ARSG: variants seen among roughly 807,000 people sequenced by gnomAD.
The protein encoded by ARSG is ASG.
In ARSG, 37 loss-of-function variants were observed where a neutral mutation model predicts 50.5. The ratio of observed to expected loss-of-function variants is 0.73; its 90% confidence interval spans 0.56 to 0.96. The LOEUF (loss-of-function observed/expected upper bound fraction) is 0.96, where lower values mean the gene tolerates loss of function less well. Ranked by LOEUF, ARSG falls within the 50% of genes least tolerant of loss-of-function variation. The probability of loss-of-function intolerance (pLI) is 0.00; values close to 1 mark genes in which losing one functional copy is unlikely to be tolerated. For synonymous variants in ARSG, 225 were observed against 254.6 expected, an observed-to-expected ratio of 0.88 and a Z score of 1.11; for missense variants, 629 against 675.3, an observed-to-expected ratio of 0.93 and a Z score of 0.76.
chr17:68,284,863 G>T (rs1189204616), intron 1 of ARSG, among the ~76,000 whole-genome samples: 3 of 152,188 alleles, frequency 2.0e-5, no homozygotes, highest in African/African-American at 7.2e-5. Context: ...ATTTTGATGT[G>T]TGTTGATATG....
At position 68,316,972 on chromosome 17, in the gene ARSG, C is replaced by A. The variant is rs147246418; in HGVS notation, c.218+9261C>A. 4.2e-3 allele frequency among the ~76,000 whole-genome samples: 634 copies of A among 152,200 alleles called. 8 individuals are homozygous for A. The highest frequency in any genetic ancestry group is 0.015 in the African/African-American group (616 of 41,512). On this transcript the variant is annotated intron_variant, in intron 2 of 11. Transcript: ENST00000621439. The stretch of plus-strand genomic sequence containing the variant: ...TTTCTTCTCATTCCTAGACCAAATC[C>A]CCAAGTCAACACCTAAAGGTCTCAG...
intron 1 of ARSG, among the ~76,000 whole-genome samples, chr17:68,273,457 G>A (rs2075409134): frequency 6.6e-6 from 1 of 152,126 alleles, no homozygotes; most frequent in African/African-American, 2.4e-5. Context: ...CTGGGCTCAC[G>A]TGATCCTCCT....
At chr17:68,281,837 T>C (rs1814938173) in intron 1 of ARSG, among the ~76,000 whole-genome samples, 1 of 152,014 alleles carries the variant, frequency 6.6e-6, no homozygotes, top group Non-Finnish European at 1.5e-5. Flanking sequence ...GTACGGCCAA[T>C]AAGGAGAACA....
Position 68,381,169 on chromosome 17 carries a change from A to AAAGACCACTGTTCCTCCGCGTGGG in ARSG, c.983-3894_983-3871dup, listed in dbSNP as rs1187922448. Among the ~76,000 whole-genome samples, 1 of 152,146 alleles carries AAAGACCACTGTTCCTCCGCGTGGG rather than the reference A, an allele frequency of 6.6e-6. No homozygotes were observed. Among genetic ancestry groups the AAAGACCACTGTTCCTCCGCGTGGG allele is most frequent in the Non-Finnish European group, 1.5e-5 (1 of 68,014 alleles). On this transcript the variant is annotated intron_variant, in intron 8 of 11. Transcript: ENST00000621439. The surrounding 1 kb of genome is among the most constrained non-coding windows in gnomAD (Gnocchi z 4.1). ...ACATGGCCCTTGGGTCCCAGCCAAG[A>AAAGACCACTGTTCCTCCGCGTGGG]AAGACCACTGTTCCTCCGCGTGGGC...
chr17:68,394,150 G>C (rs1783450068), intron 9 of ARSG, among the ~76,000 whole-genome samples: 1 of 152,072 alleles, frequency 6.6e-6, no homozygotes, highest in Non-Finnish European at 1.5e-5. Flanking sequence ...AAGCCACCAA[G>C]AATGAATTTC....
At chr17:68,301,412 G>A (rs1555761827) in intron 1 of ARSG, among the ~76,000 whole-genome samples, 1 of 152,172 alleles carries the variant, frequency 6.6e-6, no homozygotes, top group East Asian at 1.9e-4. Flanking sequence ...ACTAGGGTGA[G>A]GCAACATGTA....
the ARSG span, among the ~76,000 whole-genome samples, chr17:68,434,779 C>T: frequency 6.6e-6 from 1 of 152,136 alleles, no homozygotes; most frequent in African/African-American, 2.4e-5. Flanking sequence ...ATTTATGTGC[C>T]ATATCAACAA....
At chr17:68,438,972 A>G in the ARSG span, among the ~76,000 whole-genome samples, 236 of 152,356 alleles carry the variant, frequency 1.5e-3, no homozygotes, top group Middle Eastern at 6.8e-3. Flanking sequence ...TAGGATGACT[A>G]TAGTGAAAAA....
At chr17:68,395,028 C>G in intron 9 of ARSG, 45 bp from the exon 10 acceptor site, 1 of 1,607,748 alleles carries the variant, frequency 6.2e-7, no homozygotes, top group Non-Finnish European at 8.5e-7. Context: ...GGTCAGGGAG[C>G]GAGTCAGAAG....
At chr17:68,341,355 A>G (rs2078261346) in intron 2 of ARSG, among the ~76,000 whole-genome samples, 1 of 152,234 alleles carries the variant, frequency 6.6e-6, no homozygotes, top group Admixed American at 6.5e-5. Flanking sequence ...GTCAAACTGT[A>G]TAACAACATA....
intron 6 of ARSG, among the ~76,000 whole-genome samples, chr17:68,368,188 G>A (rs1305928840): frequency 6.6e-6 from 1 of 152,176 alleles, no homozygotes; most frequent in Non-Finnish European, 1.5e-5. Context: ...GCAGTTAAGA[G>A]CAAGATTCGG....
chr17:68,405,213 C>G (rs534010857), intron 11 of ARSG, among the ~76,000 whole-genome samples: 2 of 109,128 alleles, frequency 1.8e-5, no homozygotes, highest in African/African-American at 7.3e-5. Flanking sequence ...ATGGCTTTTT[C>G]TATTTCTGCA....
chr17:68,430,964 GTCTTTGGACAAACC>G, the ARSG span, among the ~76,000 whole-genome samples: 1 of 152,152 alleles, frequency 6.6e-6, no homozygotes, highest in East Asian at 1.9e-4. Context: ...GGGCTAGGGG[GTCTTTGGACAAACC>G]TCTCTGGGCC....
At chr17:68,360,440 T>A (rs6501399) in intron 6 of ARSG, among the ~76,000 whole-genome samples, 9,548 of 152,284 alleles carry the variant, frequency 0.063, 797 homozygotes, top group African/African-American at 0.19. Flanking sequence ...TTCCCGCTCT[T>A]CCTTGACAAG....
chr17:68,309,207 C>G (rs11650222), intron 2 of ARSG, among the ~76,000 whole-genome samples: 1 of 152,082 alleles, frequency 6.6e-6, no homozygotes, highest in Non-Finnish European at 1.5e-5. Flanking sequence ...GCTCCGAGTG[C>G]GGGGCCCGCC....
chr17:68,315,252 G>C (rs1371248325), intron 2 of ARSG, among the ~76,000 whole-genome samples: 3 of 152,148 alleles, frequency 2.0e-5, no homozygotes, highest in Non-Finnish European at 4.4e-5. Flanking sequence ...GGCTGTCAAA[G>C]AGCAGGAGGC....
intron 2 of ARSG, among the ~76,000 whole-genome samples, chr17:68,323,122 T>G (rs1249201892): frequency 2.6e-5 from 4 of 152,116 alleles, no homozygotes; most frequent in Non-Finnish European, 5.9e-5. Flanking sequence ...ATTTTTTTTT[T>G]GGAGTGAACA....
At chr17:68,361,428 G>T (rs1017701263) in intron 6 of ARSG, among the ~76,000 whole-genome samples, 1 of 152,052 alleles carries the variant, frequency 6.6e-6, no homozygotes, top group African/African-American at 2.4e-5. Context: ...ACTGGGAGAC[G>T]TAAAGTCAGG....
At chr17:68,394,328 G>A (rs180768621) in intron 9 of ARSG, among the ~76,000 whole-genome samples, 99 of 152,238 alleles carry the variant, frequency 6.5e-4, no homozygotes, top group Non-Finnish European at 1.1e-3. Context: ...CTGATCGGGC[G>A]CAGTGGCTCA....
Sources: gnomAD v4.1 joint callset for allele counts (sites outside exome capture counted in the v4.1 genomes callset) on GRCh38, gnomAD v4.1.1 for gene constraint, Gnocchi (gnomAD v3.1) non-coding constraint, MANE v1.5 for transcripts, NCBI Gene and HGNC (gene_info 2026-07-23, HGNC 2026-07-21) for gene names.